Variants in ST8SIA1 observed in about 807,000 individuals in gnomAD.
ST8SIA1 encodes the protein alpha-N-acetylneuraminide alpha-2,8-sialyltransferase.
ST8SIA1 carries 16 observed loss-of-function variants against 35.9 expected under a neutral mutation model. The ratio of observed to expected loss-of-function variants is 0.45; its 90% CI spans 0.30 to 0.68. ST8SIA1 has a LOEUF of 0.68. Ranked by LOEUF, ST8SIA1 falls within the 30% of genes least tolerant of loss-of-function variation. The probability of loss-of-function intolerance (pLI) is 0.09; values close to 1 mark genes in which losing one functional copy is unlikely to be tolerated. For missense variants in ST8SIA1, 383 were observed against 453.6 expected (o/e 0.84, Z 1.41); for synonymous variants, 170 against 169.6 (o/e 1.00, Z -0.02).
At position 22,201,769 on chromosome 12, in the gene ST8SIA1, C is replaced by G. The variant is rs765431291; in HGVS notation, c.854G>C (p.Gly285Ala). 2 of 1,614,014 alleles carry G rather than the reference C, an allele frequency of 1.2e-6. No individual in the cohort carries two copies. Among genetic ancestry groups the G allele is most frequent in the Admixed American group, 1.7e-5 (1 of 59,988 alleles). ...TGLFLVSAAL[G>A]LCEEVAIYGF... The stretch of plus-strand genomic sequence containing the variant: ...ATAGATGGCCACCTCTTCACAGAGA[C>G]CCAGAGCTGCGCTCACCAGAAAAAG... Residue 285 changes from glycine (G) to alanine (A), a missense_variant, in exon 5 of 5, where the codon GGT becomes GCT. Transcript: ENST00000396037.
chr12:22,224,232 T>C (rs906924877), intron 4 of ST8SIA1, among the ~76,000 whole-genome samples: 3 of 152,026 alleles, frequency 2.0e-5, no homozygotes, highest in Admixed American at 6.6e-5. Context: ...TTTCTACCTC[T>C]ACATCCAATT....
Position 22,249,050 on chromosome 12 carries a change from G to C in ST8SIA1, c.540C>G (p.Ser180=). The C allele has an allele frequency of 6.2e-7, 1 of 1,613,786 alleles. No homozygotes were observed. Among genetic ancestry groups the C allele is most frequent in the Non-Finnish European group, 8.5e-7 (1 of 1,179,882 alleles). Residue 180 remains serine, a synonymous_variant, in exon 4 of 5, where the codon TCC becomes TCG. Transcript: ENST00000396037. Reference sequence around the variant, plus strand: ...GATTAGCTGTCACTAACTGACTTTTGGATCCAACATCCTTAGTGTATTCAC... The same window carrying C: ...GATTAGCTGTCACTAACTGACTTTTCGATCCAACATCCTTAGTGTATTCAC... The part of the protein sequence containing the change: ...LSSEYTKDVG[S]KSQLVTANPS...
chr12:22,226,278 G>C (rs546627735), intron 4 of ST8SIA1, among the ~76,000 whole-genome samples: 1 of 152,076 alleles, frequency 6.6e-6, no homozygotes, highest in Non-Finnish European at 1.5e-5. Context: ...TTAGTGATAG[G>C]GAAAAGTTTG....
At chr12:22,214,216 A>T (rs1865209172) in intron 4 of ST8SIA1, among the ~76,000 whole-genome samples, 1 of 152,154 alleles carries the variant, frequency 6.6e-6, no homozygotes, top group Non-Finnish European at 1.5e-5. Flanking sequence ...AAACAGAGGA[A>T]AAAAGAGTTT....
At chr12:22,286,240 G>A (rs1866099997) in intron 2 of ST8SIA1, among the ~76,000 whole-genome samples, 1 of 152,284 alleles carries the variant, frequency 6.6e-6, no homozygotes, top group African/African-American at 2.4e-5. Context: ...AAATATCTAA[G>A]GATGAGCTAG....
chr12:22,320,381 C>T (rs905132469), intron 1 of ST8SIA1, among the ~76,000 whole-genome samples: 7 of 152,142 alleles, frequency 4.6e-5, no homozygotes, highest in African/African-American at 1.7e-4. Flanking sequence ...TCTAAGAGGA[C>T]CAGTCCTGGC....
At chr12:22,281,574 A>G in intron 2 of ST8SIA1, among the ~76,000 whole-genome samples, 1 of 152,212 alleles carries the variant, frequency 6.6e-6, no homozygotes, top group East Asian at 1.9e-4. Flanking sequence ...AACAGGGGAT[A>G]CCGGGGAGCT....
chr12:22,221,678 C>T (rs1051620444), intron 4 of ST8SIA1, among the ~76,000 whole-genome samples: 2 of 152,144 alleles, frequency 1.3e-5, no homozygotes, highest in African/African-American at 4.8e-5. Context: ...AAAGCAGAGC[C>T]TAAGAGTTAA....
At chr12:22,204,875 T>C (rs1052437163) in intron 4 of ST8SIA1, among the ~76,000 whole-genome samples, 3 of 152,216 alleles carry the variant, frequency 2.0e-5, no homozygotes, top group African/African-American at 7.2e-5. Context: ...GGGGTTGGTA[T>C]TGAATTTTAT....
intron 1 of ST8SIA1, among the ~76,000 whole-genome samples, chr12:22,293,542 A>G (rs1001111035): frequency 6.6e-6 from 1 of 152,056 alleles, no homozygotes; most frequent in African/African-American, 2.4e-5. Context: ...AATATTGTTG[A>G]CTCCTTGGGT....
intron 2 of ST8SIA1, among the ~76,000 whole-genome samples, chr12:22,262,893 T>C (rs1251942268): frequency 1.3e-5 from 2 of 152,160 alleles, no homozygotes; most frequent in Non-Finnish European, 2.9e-5. Flanking sequence ...GAACAAGAGA[T>C]TGCGGGCAGG....
rs372693187 is a variant in ST8SIA1 at position 22,210,469 on chromosome 12, T to G, written c.585-8431A>C. Among the ~76,000 whole-genome samples, 3 of 152,198 alleles carry G rather than the reference T, an allele frequency of 2.0e-5. No individual in the cohort carries two copies. In the East Asian group the frequency reaches 5.8e-4, roughly 29 times the overall value. On this transcript the variant is annotated intron_variant, in intron 4 of 4. Coordinates refer to ENST00000396037, the MANE Select transcript of ST8SIA1 (RefSeq NM_003034.4). ...ATATGTGGGTTTTTTCCCCCACACATCAAACAAGCAATCAGTTTTACAGCA... is the reference window on the plus strand; with the variant it reads ...ATATGTGGGTTTTTTCCCCCACACAGCAAACAAGCAATCAGTTTTACAGCA...
In ST8SIA1 at chr12:22,248,757, A is replaced by T. The variant is rs1159801496; in HGVS notation, c.584+249T>A. On this transcript the variant is annotated intron_variant, in intron 4 of 4. Coordinates refer to ENST00000396037, the MANE Select transcript of ST8SIA1 (RefSeq NM_003034.4). ...AGTATTGTGCTGTTCTTTGAGCAAA[A>T]CAATTGATCTTCTTGTTATTTCTAT... 2.1e-5 allele frequency: 9 copies of T among 419,426 alleles called. No individual in the cohort carries two copies. The Admixed American group carries it at 3.7e-4, about 17-fold the overall frequency. The allele number at this position is 419,426 out of a possible 1,614,324, so 26.0% of individuals were successfully genotyped here.
intron 1 of ST8SIA1, among the ~76,000 whole-genome samples, chr12:22,320,163 T>C (rs1866567727): frequency 6.6e-6 from 1 of 152,158 alleles, no homozygotes; most frequent in Non-Finnish European, 1.5e-5. Context: ...GCTATGTACA[T>C]CTATAATGCA....
chr12:22,326,619 C>T (rs948013766), intron 1 of ST8SIA1, among the ~76,000 whole-genome samples: 2 of 152,204 alleles, frequency 1.3e-5, no homozygotes, highest in African/African-American at 4.8e-5. Context: ...AAAGTCCAGA[C>T]ATTTTCCAGG....
At chr12:22,272,874 A>G (rs963570663) in intron 2 of ST8SIA1, among the ~76,000 whole-genome samples, 1 of 152,246 alleles carries the variant, frequency 6.6e-6, no homozygotes, top group Non-Finnish European at 1.5e-5. Context: ...CTGAGCTGAC[A>G]TCTCTGACTG....
chr12:22,244,610 C>T (rs1195003350), intron 4 of ST8SIA1, among the ~76,000 whole-genome samples: 2 of 152,084 alleles, frequency 1.3e-5, no homozygotes, highest in Non-Finnish European at 2.9e-5. Flanking sequence ...CCACGTGCCA[C>T]CATACCTGGC....
chr12:22,215,581 A>G (rs925102493), intron 4 of ST8SIA1, among the ~76,000 whole-genome samples: 5 of 152,218 alleles, frequency 3.3e-5, no homozygotes, highest in Admixed American at 3.3e-4. Flanking sequence ...AAAGAAAGTT[A>G]GGGAGTCAGC....
At chr12:22,249,226 T>TG in intron 3 of ST8SIA1, 128 bp from the exon 4 acceptor site, 2 of 664,884 alleles carry the variant, frequency 3.0e-6, no homozygotes, top group African/African-American at 3.7e-5. Flanking sequence ...TTTTGTTTTT[T>TG]TTTTTTTTTT....
Sources: allele counts gnomAD v4.1 joint callset (sites outside exome capture counted in the v4.1 genomes callset), GRCh38; gene constraint gnomAD v4.1.1; transcripts MANE v1.5; gene names NCBI Gene and HGNC (gene_info 2026-07-23, HGNC 2026-07-21).